The following RFX3 variants were observed in gnomAD, a reference collection of about 807,000 sequenced individuals.
The protein encoded by RFX3 is regulatory factor X3, also known as transcription factor RFX3.
Under a neutral mutation model 98.6 loss-of-function variants are expected in RFX3, and 14 were observed. The ratio of observed to expected loss-of-function variants is 0.14; its 90% CI spans 0.09 to 0.22. RFX3 has a LOEUF of 0.22. RFX3 is among the 10% of genes least tolerant of loss of function. The pLI, the probability that RFX3 is intolerant of heterozygous loss-of-function variation, is 1.00. For missense variants in RFX3, 639 were observed against 926.9 expected (o/e 0.69, Z 4.03); for synonymous variants, 383 against 328.4 (o/e 1.17, Z -1.80).
intron 1 of RFX3, among the ~76,000 whole-genome samples, chr9:3,450,582 T>TTTA (rs1438198201): frequency 6.6e-6 from 1 of 152,166 alleles, no homozygotes; most frequent in African/African-American, 2.4e-5. Flanking sequence ...ATTACATGTC[T>TTTA]TTTATAGACT....
At chr9:3,275,653 T>C (rs759598007) in intron 8 of RFX3, 41 bp from the exon 9 acceptor site, 1 of 1,243,790 alleles carries the variant, frequency 8.0e-7, no homozygotes, top group Admixed American at 1.8e-5. Context: ...CTATTGTGGA[T>C]GGTGCCAATT....
intron 1 of RFX3, among the ~76,000 whole-genome samples, chr9:3,489,063 A>C (rs952462609): frequency 6.6e-6 from 1 of 152,202 alleles, no homozygotes; most frequent in Non-Finnish European, 1.5e-5. Context: ...AATACTTTTC[A>C]AAAATTTACC....
intron 15 of RFX3, among the ~76,000 whole-genome samples, chr9:3,238,999 A>T (rs1364375271): frequency 6.6e-6 from 1 of 151,262 alleles, no homozygotes; most frequent in Admixed American, 6.6e-5. Context: ...TCCATCTCAA[A>T]GAAAAAAAAA....
chr9:3,366,660 TTCTTTC>T (rs995874087), intron 2 of RFX3, among the ~76,000 whole-genome samples: 3 of 151,708 alleles, frequency 2.0e-5, no homozygotes, highest in African/African-American at 4.8e-5. Flanking sequence ...TCCTTTCCTT[TTCTTTC>T]TCTTTCTCTT....
At chr9:3,310,756 G>A (rs1202038956) in intron 4 of RFX3, among the ~76,000 whole-genome samples, 1 of 152,092 alleles carries the variant, frequency 6.6e-6, no homozygotes, top group African/African-American at 2.4e-5. Context: ...CTATGAAATT[G>A]AAATCCAAGA....
At chr9:3,486,146 A>AAAAAAAAG (rs1850254171) in intron 1 of RFX3, among the ~76,000 whole-genome samples, 2 of 150,722 alleles carry the variant, frequency 1.3e-5, no homozygotes, top group African/African-American at 4.9e-5. Context: ...AAAAAAAAAA[A>AAAAAAAAG]AAAAAAAGAA....
chr9:3,504,869 A>G (rs1400126259), intron 1 of RFX3, among the ~76,000 whole-genome samples: 3 of 77,070 alleles, frequency 3.9e-5, no homozygotes, highest in Non-Finnish European at 6.0e-5. Context: ...TATAATATAT[A>G]TTATATATAT....
chr9:3,511,112 A>C (rs539037009), intron 1 of RFX3, among the ~76,000 whole-genome samples: 23 of 152,106 alleles, frequency 1.5e-4, no homozygotes, highest in African/African-American at 5.5e-4. Flanking sequence ...ATCATAATGA[A>C]GTTTGGCAAT....
chr9:3,432,650 C>G (rs111536884), intron 1 of RFX3, among the ~76,000 whole-genome samples: 5 of 152,254 alleles, frequency 3.3e-5, no homozygotes, highest in Non-Finnish European at 5.9e-5. Flanking sequence ...AGAACAGACA[C>G]CACACCAGAG....
At chr9:3,437,167 C>T (rs1743981048) in intron 1 of RFX3, among the ~76,000 whole-genome samples, 1 of 151,934 alleles carries the variant, frequency 6.6e-6, no homozygotes, top group South Asian at 2.1e-4. Flanking sequence ...GGTTAATTAC[C>T]ATGAATCCTT....
intron 3 of RFX3, among the ~76,000 whole-genome samples, chr9:3,335,759 G>A (rs12350129): frequency 0.047 from 7,157 of 152,148 alleles, 519 homozygotes; most frequent in African/African-American, 0.16. Context: ...TATACTTGCC[G>A]ACAGAAGCTT....
chr9:3,346,304 C>T (rs116985519), intron 3 of RFX3, among the ~76,000 whole-genome samples: 2,877 of 152,106 alleles, frequency 0.019, 45 homozygotes, highest in South Asian at 0.066. Flanking sequence ...CATGCAAATA[C>T]ATCACATAAA....
At chr9:3,458,528 G>C (rs1339134285) in intron 1 of RFX3, among the ~76,000 whole-genome samples, 1 of 151,844 alleles carries the variant, frequency 6.6e-6, no homozygotes, top group Non-Finnish European at 1.5e-5. Flanking sequence ...ATGGAGGTGG[G>C]AAATAGAAAC....
At chr9:3,353,821 T>C (rs1835434562) in intron 2 of RFX3, among the ~76,000 whole-genome samples, 1 of 151,940 alleles carries the variant, frequency 6.6e-6, no homozygotes, top group Non-Finnish European at 1.5e-5. Context: ...AGCAGGGAAG[T>C]GTGACCTGTA....
intron 2 of RFX3, among the ~76,000 whole-genome samples, chr9:3,367,583 A>G (rs1322400869): frequency 1.3e-5 from 2 of 152,170 alleles, no homozygotes; most frequent in Admixed American, 6.5e-5. Context: ...AGAAGAAACT[A>G]ATCCAGACAG....
chr9:3,450,867 T>C (rs1846547185), intron 1 of RFX3, among the ~76,000 whole-genome samples: 1 of 152,216 alleles, frequency 6.6e-6, no homozygotes, highest in Non-Finnish European at 1.5e-5. Flanking sequence ...ATGACTTAAT[T>C]TAGTACTACC....
chr9:3,288,376 T>G lies in RFX3; in HGVS notation c.732-126A>C, dbSNP rs187676386. On this transcript the variant is annotated intron_variant, in intron 6 of 16. Coordinates refer to ENST00000617270, the MANE Select transcript of RFX3 (RefSeq NM_001282116.2). ...AAACAGTAAGTTAATGTTACATATTTATGATTAACCTGTTCTGAATACTTT... is the reference window on the plus strand; with the variant it reads ...AAACAGTAAGTTAATGTTACATATTGATGATTAACCTGTTCTGAATACTTT... The G allele has an allele frequency of 1.8e-3, 1,266 of 716,050 alleles. 8 individuals are homozygous for G. Among genetic ancestry groups the G allele is most frequent in the Middle Eastern group, 4.9e-3 (15 of 3,044 alleles). 44.4% of individuals were successfully genotyped at this position (716,050 alleles called of 1,614,324 possible).
At chr9:3,451,680 T>C (rs551762762) in intron 1 of RFX3, among the ~76,000 whole-genome samples, 25 of 152,282 alleles carry the variant, frequency 1.6e-4, no homozygotes, top group Non-Finnish European at 3.1e-4. Flanking sequence ...GTAGGCTGCA[T>C]ATAGTGACTT....
chr9:3,265,705 C>A (rs1438790013), intron 12 of RFX3, among the ~76,000 whole-genome samples: 1 of 152,080 alleles, frequency 6.6e-6, no homozygotes, highest in Non-Finnish European at 1.5e-5. Flanking sequence ...TAATTGTTCA[C>A]TTTATTCACA....
Sources: gnomAD v4.1 joint callset for allele counts (sites outside exome capture counted in the v4.1 genomes callset) on GRCh38, gnomAD v4.1.1 for gene constraint, MANE v1.5 for transcripts, NCBI Gene and HGNC (gene_info 2026-07-23, HGNC 2026-07-21) for gene names.